The following OPRM1 variants were observed in gnomAD, a reference collection of about 807,000 sequenced individuals.
OPRM1 encodes the protein opioid receptor mu 1.
OPRM1 carries 27 observed loss-of-function variants against 31.8 expected under a neutral mutation model. The ratio of observed to expected loss-of-function variants is 0.85; its 90% CI spans 0.63 to 1.17. The LOEUF (loss-of-function observed/expected upper bound fraction) is 1.17. Ranked by LOEUF, OPRM1 falls within the 50% of genes most tolerant of loss-of-function variation. The pLI, the probability that OPRM1 is intolerant of heterozygous loss-of-function variation, is 0.00. For synonymous variants in OPRM1, 196 were observed against 189.9 expected, an observed-to-expected ratio of 1.03 and a Z score of -0.26; for missense variants, 536 against 511.1, an observed-to-expected ratio of 1.05 and a Z score of -0.47.
In OPRM1 at chr6:154,127,072, G is replaced by T. The variant is rs1393516036; in HGVS notation, c.*8351G>T. 6.7e-6 allele frequency among the ~76,000 whole-genome samples: 1 copy of T among 148,248 alleles called. No homozygotes were observed. Among genetic ancestry groups the T allele is most frequent in the Non-Finnish European group, 1.5e-5 (1 of 67,654 alleles). The stretch of plus-strand genomic sequence containing the variant: ...TGCAGTGAGCCAAGATCGCAGCATT[G>T]CACTCCAGCCTGGGCAACAGAATGA... On this transcript the variant is annotated 3_prime_UTR_variant, in exon 4 of 4. Coordinates refer to ENST00000330432, the MANE Select transcript of OPRM1 (RefSeq NM_000914.5).
At position 154,090,099 on chromosome 6, in the gene OPRM1, T is replaced by G; in HGVS notation, c.564T>G (p.Ile188Met). The change falls in exon 2 of 4, where the codon ATT (isoleucine) becomes ATG (methionine). Residue 188 changes from isoleucine to methionine, a missense_variant. By Grantham distance (10) the Ile-to-Met change is conservative (BLOSUM62 1). Transcript: ENST00000330432. ...TCCGTACTCCCCGAAATGCCAAAAT[T>G]ATCAATGTCTGCAACTGGATCCTCT... ...LDFRTPRNAK[I>M]INVCNWILSS... 1 of 1,614,140 alleles carries G rather than the reference T, an allele frequency of 6.2e-7. No homozygotes were observed.
chr6:154,119,027 C>G lies in OPRM1; in HGVS notation c.*306C>G. 9.0e-7 allele frequency: 1 copy of G among 1,109,326 alleles called. No individual in the cohort carries two copies. Among genetic ancestry groups the G allele is most frequent in the Non-Finnish European group, 1.1e-6 (1 of 909,694 alleles). 68.7% of individuals were successfully genotyped at this position (1,109,326 alleles called of 1,614,324 possible). A position where few individuals can be genotyped will look rare whatever the true frequency, so the allele number is the denominator to read the frequency against. ...TCATCATAAAAGGTGACCCTTCTGTCTGTAAGATTTTATTTTCAAGCAAAT... is the reference window on the plus strand; with the variant it reads ...TCATCATAAAAGGTGACCCTTCTGTGTGTAAGATTTTATTTTCAAGCAAAT... On this transcript the variant is annotated 3_prime_UTR_variant, in exon 4 of 4. Coordinates refer to ENST00000330432, the MANE Select transcript of OPRM1 (RefSeq NM_000914.5).
intron 3 of OPRM1, among the ~76,000 whole-genome samples, chr6:154,242,191 A>G (rs1780652389): frequency 6.6e-6 from 1 of 152,052 alleles, no homozygotes; most frequent in African/African-American, 2.4e-5. Context: ...TCCCACCTCT[A>G]CTTCTCAAAG....
At chr6:154,036,508 A>T (rs545675671), upstream of OPRM1, among the ~76,000 whole-genome samples, 3 of 152,088 alleles carry the variant, frequency 2.0e-5, no homozygotes, top group South Asian at 6.2e-4. Flanking sequence ...AAAACAGAAT[A>T]AAAAAACAAC....
rs560898535 is a variant in OPRM1 at position 154,060,341 on chromosome 6, C to G, written c.290+20507C>G. On this transcript the variant is annotated intron_variant, in intron 1 of 3. Coordinates refer to ENST00000330432, the MANE Select transcript of OPRM1 (RefSeq NM_000914.5). Reference sequence around the variant, plus strand: ...ACTCCAGCGAGCCTAAATAAATAGACCAAAAGAACCAAAAGTACCCAGCAA... The same window carrying G: ...ACTCCAGCGAGCCTAAATAAATAGAGCAAAAGAACCAAAAGTACCCAGCAA... Among the ~76,000 whole-genome samples the G allele has an allele frequency of 3.3e-5, 5 of 152,204 alleles. No homozygotes were observed. The South Asian group carries it at 1.0e-3, about 32-fold the overall frequency.
At chr6:154,050,958 G>A (rs1364654619) in intron 1 of OPRM1, among the ~76,000 whole-genome samples, 1 of 151,934 alleles carries the variant, frequency 6.6e-6, no homozygotes, top group East Asian at 1.9e-4. Context: ...TTTGCATATT[G>A]AAATAAAATT....
intron 1 of OPRM1, among the ~76,000 whole-genome samples, chr6:154,067,839 T>G (rs2128447472): frequency 6.6e-6 from 1 of 152,260 alleles, no homozygotes; most frequent in East Asian, 1.9e-4. Context: ...TTTGTAATTG[T>G]TATATCTTCT....
At chr6:154,079,456 C>T (rs1788606957) in intron 1 of OPRM1, among the ~76,000 whole-genome samples, 1 of 152,128 alleles carries the variant, frequency 6.6e-6, no homozygotes, top group African/African-American at 2.4e-5. Context: ...TAATCAGGCT[C>T]AGTCCAGGAA....
In OPRM1 at chr6:154,119,377, G is replaced by C; in HGVS notation, c.*656G>C. The C allele has an allele frequency of 1.0e-6, 1 of 985,302 alleles. No individual in the cohort carries two copies. Among genetic ancestry groups the C allele is most frequent in the Non-Finnish European group, 1.2e-6 (1 of 829,850 alleles). 61.0% of individuals were successfully genotyped at this position (985,302 alleles called of 1,614,324 possible). ...CACAGTCATGTGTCAGCTGTAGAAA[G>C]GTTGATTCTCATGCACTGCAAATAC... On this transcript the variant is annotated 3_prime_UTR_variant, in exon 4 of 4. Coordinates refer to ENST00000330432, the MANE Select transcript of OPRM1 (RefSeq NM_000914.5).
At chr6:154,013,302 T>A in intron 1 of OPRM1, among the ~76,000 whole-genome samples, 1 of 152,194 alleles carries the variant, frequency 6.6e-6, no homozygotes, top group East Asian at 1.9e-4. Flanking sequence ...GAAGAGCTTA[T>A]AAATAGCTAT....
At chr6:154,083,943 CAAAAAAAA>C (rs57976654) in intron 1 of OPRM1, among the ~76,000 whole-genome samples, 9 of 35,150 alleles carry the variant, frequency 2.6e-4, no homozygotes, top group South Asian at 1.4e-3. Flanking sequence ...GACTCCGTCT[CAAAAAAAA>C]AAAAAAAAAA....
intron 3 of OPRM1, among the ~76,000 whole-genome samples, chr6:154,099,759 G>A (rs1247353463): frequency 1.3e-5 from 2 of 148,340 alleles, no homozygotes; most frequent in Admixed American, 6.8e-5. Flanking sequence ...TTAAAAACAT[G>A]GAGAGTTTTC....
chr6:154,138,568 C>T (rs936363192), intron 3 of OPRM1, among the ~76,000 whole-genome samples: 10 of 152,158 alleles, frequency 6.6e-5, no homozygotes, highest in African/African-American at 2.4e-4. Flanking sequence ...ATGAAACCAC[C>T]TTTGCAAAAT....
At chr6:154,032,229 A>T (rs939087217) in intron 1 of OPRM1, among the ~76,000 whole-genome samples, 5 of 152,220 alleles carry the variant, frequency 3.3e-5, no homozygotes, top group Non-Finnish European at 7.3e-5. Flanking sequence ...TATGATGCAT[A>T]CTGTGCCAAG....
intron 1 of OPRM1, among the ~76,000 whole-genome samples, chr6:154,058,462 T>G (rs1225329828): frequency 1.3e-5 from 2 of 152,200 alleles, no homozygotes; most frequent in Non-Finnish European, 2.9e-5. Context: ...AGTTGTGTTT[T>G]CAGAACAATC....
At chr6:154,081,239 C>A (rs1223828855) in intron 1 of OPRM1, among the ~76,000 whole-genome samples, 1 of 152,334 alleles carries the variant, frequency 6.6e-6, no homozygotes, top group East Asian at 1.9e-4. Flanking sequence ...CGCGGTGGCT[C>A]ACGCCTGTAA....
chr6:154,092,374 A>T (rs1311583888), intron 3 of OPRM1, among the ~76,000 whole-genome samples: 2 of 152,244 alleles, frequency 1.3e-5, no homozygotes, highest in Non-Finnish European at 2.9e-5. Context: ...TATTAATCTA[A>T]GTAAGTAAAT....
intron 3 of OPRM1, among the ~76,000 whole-genome samples, chr6:154,112,057 G>A (rs752877953): frequency 3.9e-5 from 6 of 152,094 alleles, no homozygotes; most frequent in Non-Finnish European, 5.9e-5. Context: ...GAGCCACCGC[G>A]CCTGGCCAAA....
chr6:154,017,753 TG>T (rs1361582378), intron 1 of OPRM1, among the ~76,000 whole-genome samples: 1 of 152,236 alleles, frequency 6.6e-6, no homozygotes, highest in Non-Finnish European at 1.5e-5. Context: ...GTTAACTTTT[TG>T]GAATGATTTG....
Sources: allele counts gnomAD v4.1 joint callset (sites outside exome capture counted in the v4.1 genomes callset), GRCh38; gene constraint gnomAD v4.1.1; transcripts MANE v1.5; gene names NCBI Gene and HGNC (gene_info 2026-07-23, HGNC 2026-07-21).